THSD4: variants seen among roughly 807,000 people sequenced by gnomAD.
THSD4 encodes the protein thrombospondin type 1 domain containing 4.
Under a neutral mutation model 119.0 loss-of-function variants are expected in THSD4, and 69 were observed. The observed-to-expected ratio is 0.58, with a 90% CI of 0.48 to 0.71. The LOEUF is 0.71. Among genes scored for constraint, THSD4 ranks in the 30% least tolerant of loss-of-function variants. The probability of loss-of-function intolerance (pLI) is 0.00; values close to 1 mark genes in which losing one functional copy is unlikely to be tolerated. For synonymous variants in THSD4, 524 were observed against 540.4 expected (o/e 0.97, Z 0.42); for missense variants, 1,393 against 1,391.1 (o/e 1.00, Z -0.02).
intron 7 of THSD4, among the ~76,000 whole-genome samples, chr15:71,489,521 C>T (rs2047879889): frequency 1.3e-5 from 2 of 152,120 alleles, no homozygotes; most frequent in African/African-American, 4.8e-5. Context: ...TGCCTTAGTC[C>T]CTCAGAGGTG....
At chr15:71,746,755 C>T in intron 12 of THSD4, 83 bp from the exon 13 acceptor site, 1 of 1,395,082 alleles carries the variant, frequency 7.2e-7, no homozygotes, top group Non-Finnish European at 1.0e-6. Flanking sequence ...TCTGATGATT[C>T]TGTGTACGCT....
intron 17 of THSD4, among the ~76,000 whole-genome samples, chr15:71,776,574 T>TA (rs1247835826): frequency 2.0e-5 from 3 of 152,286 alleles, no homozygotes; most frequent in African/African-American, 7.2e-5. Context: ...TAAACAGTTA[T>TA]ACCGACTTTG....
At chr15:71,314,309 C>CT (rs955818821) in intron 6 of THSD4, among the ~76,000 whole-genome samples, 35 of 151,280 alleles carry the variant, frequency 2.3e-4, no homozygotes, top group Non-Finnish European at 4.0e-4. Context: ...TATTTTTATT[C>CT]TTTTTTTTAA....
At chr15:71,277,347 A>G (rs1457750278) in intron 6 of THSD4, among the ~76,000 whole-genome samples, 1 of 152,040 alleles carries the variant, frequency 6.6e-6, no homozygotes, top group Non-Finnish European at 1.5e-5. Flanking sequence ...GTTGGTCTCA[A>G]ACTCTCGACC....
At chr15:71,181,103 G>A (rs2043519922) in intron 3 of THSD4, among the ~76,000 whole-genome samples, 1 of 152,160 alleles carries the variant, frequency 6.6e-6, no homozygotes, top group African/African-American at 2.4e-5. Flanking sequence ...TCATTTGAGG[G>A]TGTCCAGCCC....
intron 7 of THSD4, among the ~76,000 whole-genome samples, chr15:71,544,319 C>A (rs2048804884): frequency 1.3e-5 from 2 of 152,138 alleles, no homozygotes; most frequent in South Asian, 4.1e-4. Context: ...TTACATGAAA[C>A]TATTTTAAAA....
At position 71,731,127 on chromosome 15, in the gene THSD4, C is replaced by T. The variant is rs773494479; in HGVS notation, c.1540C>T (p.His514Tyr). 34 of 1,613,986 alleles carry T rather than the reference C, an allele frequency of 2.1e-5. No individual in the cohort carries two copies. Among genetic ancestry groups the T allele is most frequent in the Non-Finnish European group, 2.5e-5 (30 of 1,179,998 alleles). ...CTGATTTTTGTGTCAGCAGATGATA[C>T]ACCAGCAGCCAAACCCAGGCGTGCA... ...TNEILDVYMIHQQPNPGVHYE... is the reference protein window; with the variant it reads ...TNEILDVYMIYQQPNPGVHYE... Residue 514 changes from histidine to tyrosine, a missense_variant, in exon 10 of 18, where the codon CAC (histidine) becomes TAC (tyrosine). Transcript: ENST00000261862.
At chr15:71,551,164 G>C (rs976160735) in intron 7 of THSD4, among the ~76,000 whole-genome samples, 4 of 152,204 alleles carry the variant, frequency 2.6e-5, no homozygotes, top group African/African-American at 9.6e-5. Context: ...ACCAGGATAT[G>C]CTTTTAGGTA....
At chr15:71,359,009 G>A (rs999415025) in intron 6 of THSD4, among the ~76,000 whole-genome samples, 12 of 152,186 alleles carry the variant, frequency 7.9e-5, no homozygotes, top group Non-Finnish European at 1.5e-4. Context: ...TTTTACCATA[G>A]CAAAGCTGGC....
At chr15:71,399,614 A>G (rs950196717) in intron 6 of THSD4, among the ~76,000 whole-genome samples, 2 of 152,222 alleles carry the variant, frequency 1.3e-5, no homozygotes, top group African/African-American at 2.4e-5. Context: ...GTCAGCTAGT[A>G]GGCTGGTTAC....
Position 71,389,220 on chromosome 15 carries a change from A to G in THSD4, c.1016-22467A>G, listed in dbSNP as rs138195396. On this transcript the variant is annotated intron_variant, in intron 6 of 17. Transcript: ENST00000261862. Reference sequence around the variant, plus strand: ...AAGTACATTCACATTGTTGTGCAACAAATCTCTAGCATTCTTTTCATCTTC... The same window carrying G: ...AAGTACATTCACATTGTTGTGCAACGAATCTCTAGCATTCTTTTCATCTTC... Among the ~76,000 whole-genome samples, 350 of 152,304 alleles carry G rather than the reference A, an allele frequency of 2.3e-3. 4 individuals carry two copies. Among genetic ancestry groups the G allele is most frequent in the African/African-American group, 7.9e-3 (329 of 41,568 alleles).
chr15:71,121,976 T>C (rs2040412664), intron 1 of THSD4, among the ~76,000 whole-genome samples: 1 of 152,138 alleles, frequency 6.6e-6, no homozygotes, highest in Non-Finnish European at 1.5e-5. Flanking sequence ...GGGGAGTTTA[T>C]TGCTGGTTGT....
intron 6 of THSD4, among the ~76,000 whole-genome samples, chr15:71,399,442 C>T (rs746715950): frequency 2.6e-4 from 40 of 152,208 alleles, no homozygotes; most frequent in Non-Finnish European, 5.0e-4. Flanking sequence ...GTTTTCTGCA[C>T]AGCATAGACC....
At chr15:71,438,093 C>G (rs1378105893) in intron 7 of THSD4, among the ~76,000 whole-genome samples, 1 of 152,206 alleles carries the variant, frequency 6.6e-6, no homozygotes, top group Non-Finnish European at 1.5e-5. Context: ...AGCACCTCCC[C>G]TACCCACCCT....
intron 7 of THSD4, among the ~76,000 whole-genome samples, chr15:71,575,706 A>C (rs1410362746): frequency 2.6e-5 from 4 of 152,200 alleles, no homozygotes; most frequent in Non-Finnish European, 5.9e-5. Flanking sequence ...TGGAGCTGCT[A>C]GTTATATGGA....
chr15:71,127,723 A>G (rs1289467033), intron 1 of THSD4, among the ~76,000 whole-genome samples: 1 of 152,146 alleles, frequency 6.6e-6, no homozygotes, highest in African/African-American at 2.4e-5. Context: ...TGTTTGAGAA[A>G]TGTCTATTCA....
intron 8 of THSD4, among the ~76,000 whole-genome samples, chr15:71,704,010 C>T (rs561109649): frequency 4.6e-5 from 7 of 152,114 alleles, no homozygotes; most frequent in East Asian, 1.9e-4. Context: ...CCACCACGCC[C>T]GGCTAATTTT....
intron 3 of THSD4, among the ~76,000 whole-genome samples, chr15:71,206,044 C>T (rs982507911): frequency 6.6e-5 from 10 of 152,058 alleles, no homozygotes; most frequent in Non-Finnish European, 8.8e-5. Flanking sequence ...TCATAGAAAA[C>T]GAGTCACATG....
At position 71,703,999 on chromosome 15, in the gene THSD4, A is replaced by G. The variant is rs141637985; in HGVS notation, c.1358-24550A>G. 3.1e-3 allele frequency among the ~76,000 whole-genome samples: 468 copies of G among 151,892 alleles called. 6 individuals carry two copies. The East Asian group carries it at 0.048, about 16-fold the overall frequency. ...CGAGTAGCTGGGATTACAGGCGCCCACCACCACGCCCGGCTAATTTTTGTG... is the reference window on the plus strand; with the variant it reads ...CGAGTAGCTGGGATTACAGGCGCCCGCCACCACGCCCGGCTAATTTTTGTG... On this transcript the variant is annotated intron_variant, in intron 8 of 17. Coordinates refer to ENST00000261862, the MANE Select transcript of THSD4 (RefSeq NM_024817.3).
Sources: allele counts gnomAD v4.1 joint callset (sites outside exome capture counted in the v4.1 genomes callset), GRCh38; gene constraint gnomAD v4.1.1; transcripts MANE v1.5; gene names NCBI Gene and HGNC (gene_info 2026-07-23, HGNC 2026-07-21).